Variants in NAP1L4 observed in about 807,000 individuals in gnomAD.
NAP1L4 encodes the protein nucleosome assembly protein 1 like 4.
In NAP1L4, 15 loss-of-function variants were observed where a neutral mutation model predicts 58.2. The observed-to-expected ratio is 0.26, with a 90% CI of 0.17 to 0.40. The LOEUF (loss-of-function observed/expected upper bound fraction) is 0.40. NAP1L4 is among the 10% of genes least tolerant of loss of function. The pLI, the probability that NAP1L4 is intolerant of heterozygous loss-of-function variation, is 1.00. For missense variants in NAP1L4, 384 were observed against 451.1 expected (o/e 0.85, Z 1.35); for synonymous variants, 171 against 155.6 (o/e 1.10, Z -0.74).
At chr11:2,965,871 C>A (rs1405633437) in intron 7 of NAP1L4, among the ~76,000 whole-genome samples, 1 of 152,218 alleles carries the variant, frequency 6.6e-6, no homozygotes, top group Non-Finnish European at 1.5e-5. Flanking sequence ...CAGAGCGTGT[C>A]TGAGATCCAA....
At position 2,971,627 on chromosome 11, in the gene NAP1L4, T is replaced by C. The variant is rs1564984461; in HGVS notation, c.316-93A>G. ...ATAAATAATGTCTACTAAAAGACTT[T>C]GAAAACTGGATATTTTTATAACTTA... is the stretch of plus-strand genomic sequence containing the variant. On this transcript the variant is annotated intron_variant, in intron 5 of 15. Transcript: ENST00000380542. The surrounding 1 kb of genome is among the most constrained non-coding windows in gnomAD (Gnocchi z 4.2). 2.3e-5 allele frequency: 22 copies of C among 946,400 alleles called. No individual in the cohort carries two copies. Among genetic ancestry groups the C allele is most frequent in the Non-Finnish European group, 9.4e-6 (6 of 640,606 alleles). The allele number at this position is 946,400 out of a possible 1,614,324, so 58.6% of individuals were successfully genotyped here.
Position 2,951,182 on chromosome 11 carries a change from C to A in NAP1L4, c.1122+77G>T. ...TAATGAATATTGTTAACACTACTGC[C>A]TCAAAGTGGGGAACATTTTTAAAAG... On this transcript the variant is annotated intron_variant, in intron 14 of 15. Coordinates refer to ENST00000380542, the MANE Select transcript of NAP1L4 (RefSeq NM_005969.4). The surrounding 1 kb of genome is among the most constrained non-coding windows in gnomAD (Gnocchi z 4.0). The A allele has an allele frequency of 8.6e-7, 1 of 1,161,366 alleles. No individual in the cohort carries two copies. The allele number at this position is 1,161,366 out of a possible 1,614,324, so 71.9% of individuals were successfully genotyped here. A position where few individuals can be genotyped will look rare whatever the true frequency, so the allele number is the denominator to read the frequency against.
At chr11:2,964,211 C>T (rs1296552341) in intron 8 of NAP1L4, among the ~76,000 whole-genome samples, 2 of 151,048 alleles carry the variant, frequency 1.3e-5, no homozygotes, top group African/African-American at 4.8e-5. Context: ...TCTTTTTAAA[C>T]GTTAAACATA....
rs1026657292 is a variant in NAP1L4, at chr11:2,946,164, G to A, written c.*33-518C>T. Among the ~76,000 whole-genome samples the A allele has an allele frequency of 6.6e-6, 1 of 152,144 alleles. No individual in the cohort carries two copies. Among genetic ancestry groups the A allele is most frequent in the Non-Finnish European group, 1.5e-5 (1 of 68,030 alleles). On this transcript the variant is annotated intron_variant, in intron 15 of 15. Coordinates refer to ENST00000380542, the MANE Select transcript of NAP1L4 (RefSeq NM_005969.4). The surrounding 1 kb of genome is among the most constrained non-coding windows in gnomAD (Gnocchi z 4.8). Reference sequence around the variant, plus strand: ...GGTTCCTGCTCTTTGTACTACCAGGGAGCGCCCCGGCAGATCCATCCTCTT... The same window carrying A: ...GGTTCCTGCTCTTTGTACTACCAGGAAGCGCCCCGGCAGATCCATCCTCTT...
chr11:2,949,505 G>A lies in NAP1L4; in HGVS notation c.1123-241C>T, dbSNP rs183924889. Among the ~76,000 whole-genome samples, 61 of 152,232 alleles carry A rather than the reference G, an allele frequency of 4.0e-4. No individual in the cohort carries two copies. Among genetic ancestry groups the A allele is most frequent in the Non-Finnish European group, 7.6e-4 (52 of 68,016 alleles). On this transcript the variant is annotated intron_variant, in intron 14 of 15. Coordinates refer to ENST00000380542, the MANE Select transcript of NAP1L4 (RefSeq NM_005969.4). The surrounding 1 kb of genome is among the most constrained non-coding windows in gnomAD (Gnocchi z 4.0). ...CTTCCTTCCTTGTTTTCTTTTGCTT[G>A]CACAGACTCTAACACTGCCCATCTC...
At chr11:2,953,217 T>C (rs906626182) in intron 12 of NAP1L4, among the ~76,000 whole-genome samples, 5 of 152,230 alleles carry the variant, frequency 3.3e-5, no homozygotes, top group Non-Finnish European at 1.5e-5. Flanking sequence ...ACATGTACTA[T>C]AAGCAAATGT....
At chr11:2,974,372 G>A (rs1847829491) in intron 4 of NAP1L4, among the ~76,000 whole-genome samples, 1 of 152,098 alleles carries the variant, frequency 6.6e-6, no homozygotes, top group African/African-American at 2.4e-5. Flanking sequence ...ACCACTTCTA[G>A]TCCCACATAA....
chr11:2,976,132 A>G lies in NAP1L4; in HGVS notation c.74-9T>C, dbSNP rs747553437. ...CTGATCTGTGAGCTTTTCTATGAAG[A>G]GTTAAGACCAAACATATTTAAAATA... On this transcript the variant is annotated splice_polypyrimidine_tract_variant and intron_variant, in intron 3 of 15. Transcript: ENST00000380542. 17 of 1,605,938 alleles carry G rather than the reference A, an allele frequency of 1.1e-5. 2 individuals are homozygous for G. In the South Asian group the frequency reaches 1.9e-4, roughly 18 times the overall value.
At chr11:2,962,264 G>T (rs737872) in intron 8 of NAP1L4, among the ~76,000 whole-genome samples, 128,008 of 152,290 alleles carry the variant, frequency 0.84, 54,230 homozygotes, top group African/African-American at 0.94. Flanking sequence ...GGGGAGGTGG[G>T]GCATGTAGGG....
rs190962465 is a variant in NAP1L4 at position 2,954,476 on chromosome 11, C to T, written c.1035+51G>A. 3.6e-4 allele frequency: 579 copies of T among 1,611,940 alleles called. 4 individuals are homozygous for T. In the African/African-American group the frequency reaches 6.9e-3, roughly 19 times the overall value. ...AGCCACAATTCAGGGCCACTCTGCACCAACAGAGATAAGCACCCAGGTGGA... is the reference window on the plus strand; with the variant it reads ...AGCCACAATTCAGGGCCACTCTGCATCAACAGAGATAAGCACCCAGGTGGA... On this transcript the variant is annotated intron_variant, in intron 12 of 15. Transcript: ENST00000380542. This position sits in a 1 kb window ranked among gnomAD's most constrained non-coding sequence, Gnocchi z 4.8.
intron 8 of NAP1L4, among the ~76,000 whole-genome samples, chr11:2,963,349 T>A (rs922190277): frequency 2.0e-5 from 3 of 151,982 alleles, no homozygotes; most frequent in Admixed American, 6.6e-5. Flanking sequence ...CTGGGGGCCC[T>A]GTGATAAAGT....
At position 2,954,436 on chromosome 11, in the gene NAP1L4, C is replaced by T; in HGVS notation, c.1035+91G>A. On this transcript the variant is annotated intron_variant, in intron 12 of 15. Transcript: ENST00000380542. The surrounding 1 kb of genome is among the most constrained non-coding windows in gnomAD (Gnocchi z 4.8). ...CTGATGATGTAATAAAAAGATTAGG[C>T]ATGGGGGTTTCCTAAGCCACAATTC... 6.4e-7 allele frequency: 1 copy of T among 1,571,106 alleles called. No individual in the cohort carries two copies. The highest frequency in any genetic ancestry group is 8.8e-7 in the Non-Finnish European group (1 of 1,142,354).
intron 15 of NAP1L4, among the ~76,000 whole-genome samples, chr11:2,947,631 C>T (rs1193729195): frequency 1.3e-5 from 2 of 151,198 alleles, no homozygotes; most frequent in Non-Finnish European, 2.9e-5. Flanking sequence ...AAAAAAAAAA[C>T]TACACCTAAA....
At position 2,945,112 on chromosome 11, in the gene NAP1L4, T is replaced by C. The variant is rs1365869298; in HGVS notation, c.*567A>G. The stretch of plus-strand genomic sequence containing the variant: ...CAGGGCCCTACTCTACACAGCCCTT[T>C]CTGAGATGATCGGCATACAGCAGGT... On this transcript the variant is annotated 3_prime_UTR_variant, in exon 16 of 16. Transcript: ENST00000380542. 1 of 153,020 alleles carries C rather than the reference T, an allele frequency of 6.5e-6. No homozygotes were observed. The highest frequency in any genetic ancestry group is 1.4e-5 in the Non-Finnish European group (1 of 69,156). 9.5% of individuals were successfully genotyped at this position (153,020 alleles called of 1,614,324 possible). A position where few individuals can be genotyped will look rare whatever the true frequency, so the allele number is the denominator to read the frequency against.
At chr11:2,967,009 A>T (rs7109587) in intron 7 of NAP1L4, among the ~76,000 whole-genome samples, 3 of 152,118 alleles carry the variant, frequency 2.0e-5, no homozygotes, top group Non-Finnish European at 4.4e-5. Context: ...TCGTAAAGCC[A>T]CCATCTCAAA....
At chr11:2,990,936 T>C (rs1197397756) in intron 1 of NAP1L4, 10 of 355,766 alleles carry the variant, frequency 2.8e-5, no homozygotes, top group South Asian at 1.6e-4. Flanking sequence ...CTAATCTACA[T>C]ATTTGTATAT....
Position 2,954,665 on chromosome 11 carries a change from C to A in NAP1L4, c.916-19G>T. The A allele has an allele frequency of 6.2e-7, 1 of 1,614,090 alleles. No homozygotes were observed. ...CTTCATCCTGAGGAGGAAAAACCTA[C>A]GTGTTAACTCATTTTAATGGGATAA... On this transcript the variant is annotated intron_variant, in intron 11 of 15. Coordinates refer to ENST00000380542, the MANE Select transcript of NAP1L4 (RefSeq NM_005969.4). The surrounding 1 kb of genome is among the most constrained non-coding windows in gnomAD (Gnocchi z 4.8).
At chr11:2,970,041 C>A in intron 6 of NAP1L4, 107 bp from the exon 7 acceptor site, 1 of 1,210,110 alleles carries the variant, frequency 8.3e-7, no homozygotes, top group South Asian at 1.6e-5. Context: ...CCATCAAACA[C>A]CTTGCTTTCT....
At chr11:2,976,989 G>A (rs1449436254) in intron 3 of NAP1L4, among the ~76,000 whole-genome samples, 22 of 152,136 alleles carry the variant, frequency 1.4e-4, no homozygotes, top group Admixed American at 1.4e-3. Context: ...CCCATCCCGA[G>A]TATTCTCCCA....
Sources: gnomAD v4.1 joint callset for allele counts (sites outside exome capture counted in the v4.1 genomes callset) on GRCh38, gnomAD v4.1.1 for gene constraint, Gnocchi (gnomAD v3.1) non-coding constraint, MANE v1.5 for transcripts, NCBI Gene and HGNC (gene_info 2026-07-23, HGNC 2026-07-21) for gene names.